PLA2G2F: variants seen among roughly 807,000 people sequenced by gnomAD.
PLA2G2F encodes the protein phospholipase A2 group IIF, also known as group IIF secretory phospholipase A2.
A neutral mutation model predicts 15.9 loss-of-function variants in PLA2G2F; 17 were observed. That is an observed-to-expected ratio of 1.07 (90% CI 0.73 to 1.60). PLA2G2F has a LOEUF of 1.60. Among genes scored for constraint, PLA2G2F ranks in the 40% most tolerant of loss-of-function variants. The pLI, the probability that PLA2G2F is intolerant of heterozygous loss-of-function variation, is 0.00. For synonymous variants in PLA2G2F, 119 were observed against 106.5 expected (o/e 1.12, Z -0.72); for missense variants, 299 against 278.2 (o/e 1.07, Z -0.53).
intron 2 of PLA2G2F, chr1:20,141,809 T>C (rs757449637): frequency 2.6e-5 from 4 of 152,244 alleles, no homozygotes; most frequent in Non-Finnish European, 5.9e-5. Flanking sequence ...TTGGGCATTG[T>C]GATCCGAGAG....
Position 20,148,576 on chromosome 1 carries a change from C to T in PLA2G2F, c.*175C>T, listed in dbSNP as rs1185321593. The T allele has an allele frequency of 1.6e-6, 1 of 609,862 alleles. No homozygotes were observed. The highest frequency in any genetic ancestry group is 2.9e-6 in the Non-Finnish European group (1 of 346,100). The allele number at this position is 609,862 out of a possible 1,614,324, so 37.8% of individuals were successfully genotyped here. Reference sequence around the variant, plus strand: ...ACTCAGGAAGGCCTGGGTCCTGACTCCCCCAGCCCAGCCCCAGGCATGGGT... The same window carrying T: ...ACTCAGGAAGGCCTGGGTCCTGACTTCCCCAGCCCAGCCCCAGGCATGGGT... On this transcript the variant is annotated 3_prime_UTR_variant, in exon 5 of 5. Transcript: ENST00000375102.
intron 2 of PLA2G2F, chr1:20,142,591 G>C (rs542505206): frequency 6.6e-6 from 1 of 152,634 alleles, no homozygotes; most frequent in Admixed American, 6.5e-5. Context: ...GGGGTGGGCC[G>C]GCCTGGCAGG....
chr1:20,148,341 A>G lies in PLA2G2F; in HGVS notation c.576A>G (p.Glu192=). 1.9e-6 allele frequency: 3 copies of G among 1,613,838 alleles called. No individual in the cohort carries two copies. Among genetic ancestry groups the G allele is most frequent in the Non-Finnish European group, 2.5e-6 (3 of 1,179,958 alleles). ...CCACGCCCAACTGCAGCATCTATGA[A>G]CCGCCCCCTGAGGAGGTCACCTGCA... ...QGPTPNCSIY[E]PPPEEVTCSH... The change falls in exon 5 of 5, where the codon GAA becomes GAG. Residue 192 remains glutamate (E), a synonymous_variant. Coordinates refer to ENST00000375102, the MANE Select transcript of PLA2G2F (RefSeq NM_022819.4).
chr1:20,145,585 T>C (rs562513138), intron 4 of PLA2G2F, among the ~76,000 whole-genome samples: 1 of 151,900 alleles, frequency 6.6e-6, no homozygotes, highest in Non-Finnish European at 1.5e-5. Context: ...CAGCCAAACA[T>C]GTACTGTTTA....
chr1:20,147,076 T>C (rs2017628629), intron 4 of PLA2G2F, among the ~76,000 whole-genome samples: 1 of 152,140 alleles, frequency 6.6e-6, no homozygotes, highest in Non-Finnish European at 1.5e-5. Context: ...AGAAACAGGA[T>C]TTTGCTGGTA....
At chr1:20,140,273 C>T (rs909136421) in intron 2 of PLA2G2F, 55 bp downstream of exon 2, 19 of 1,588,044 alleles carry the variant, frequency 1.2e-5, no homozygotes, top group South Asian at 3.4e-5. Flanking sequence ...GCTTGTCTCC[C>T]GTGACCTTGG....
intron 4 of PLA2G2F, among the ~76,000 whole-genome samples, chr1:20,146,815 C>T (rs1293693233): frequency 6.6e-6 from 1 of 152,024 alleles, no homozygotes; most frequent in African/African-American, 2.4e-5. Context: ...ATAGCAGATG[C>T]CCCCCTATTA....
chr1:20,145,798 T>C (rs892244066), intron 4 of PLA2G2F, among the ~76,000 whole-genome samples: 1 of 151,774 alleles, frequency 6.6e-6, no homozygotes, highest in South Asian at 2.1e-4. Context: ...TTTGTGGAGA[T>C]GGGGGTCTCA....
chr1:20,139,596 C>T (rs1237631760), intron 1 of PLA2G2F, 53 bp downstream of exon 1: 8 of 1,308,230 alleles, frequency 6.1e-6, no homozygotes, highest in African/African-American at 4.5e-5. Flanking sequence ...CAGGGACAGG[C>T]GTGAGGGACT....
chr1:20,143,291 G>A (rs1015530774), intron 2 of PLA2G2F, 155 bp from the exon 3 acceptor site: 24 of 930,386 alleles, frequency 2.6e-5, no homozygotes, highest in African/African-American at 6.6e-5. Flanking sequence ...AGCTGCCCAC[G>A]CTTCTTGCCC....
At chr1:20,146,255 C>T (rs1184207694) in intron 4 of PLA2G2F, among the ~76,000 whole-genome samples, 4 of 152,212 alleles carry the variant, frequency 2.6e-5, no homozygotes, top group Admixed American at 2.6e-4. Context: ...CCCTGGGCAG[C>T]TCCTTCCCCA....
rs201526266 is a variant in PLA2G2F, at chr1:20,145,284, A to ATT, written c.424+610_424+611dup. Reference sequence around the variant, plus strand: ...AGGACATACTTCTACTAAAACATGTATTTTTTTTTTTTTTTTGAGACGCAG... The same window carrying ATT: ...AGGACATACTTCTACTAAAACATGTATTTTTTTTTTTTTTTTTTGAGACGCAG... On this transcript the variant is annotated intron_variant, in intron 4 of 4. Transcript: ENST00000375102. 4.1e-3 allele frequency among the ~76,000 whole-genome samples: 582 copies of ATT among 141,024 alleles called. 4 individuals carry two copies. The highest frequency in any genetic ancestry group is 0.014 in the African/African-American group (554 of 38,448). The allele number at this position is 141,024 out of a possible 152,430, so 92.5% of individuals were successfully genotyped here.
At chr1:20,146,677 C>T (rs188096767) in intron 4 of PLA2G2F, among the ~76,000 whole-genome samples, 1 of 152,202 alleles carries the variant, frequency 6.6e-6, no homozygotes, top group Non-Finnish European at 1.5e-5. Context: ...TGCAAAGACA[C>T]TCAAATCTTC....
chr1:20,144,701 C>T lies in PLA2G2F; in HGVS notation c.424+12C>T, dbSNP rs773799092. ...TGAGATAGTCTGCAGTGAGTCCCTC[C>T]CCTGTCACCTGGGCCCCCAGAGAAG... On this transcript the variant is annotated intron_variant, in intron 4 of 4. Coordinates refer to ENST00000375102, the MANE Select transcript of PLA2G2F (RefSeq NM_022819.4). 11 of 1,577,260 alleles carry T rather than the reference C, an allele frequency of 7.0e-6. No individual in the cohort carries two copies. The Admixed American group carries it at 1.1e-4, about 15-fold the overall frequency.
chr1:20,140,289 T>C, intron 2 of PLA2G2F, 71 bp downstream of exon 2: 1 of 1,537,384 alleles, frequency 6.5e-7, no homozygotes, highest in Non-Finnish European at 8.9e-7. Flanking sequence ...CTTGGGCGCC[T>C]GAGTTATGGT....
chr1:20,148,655 T>C lies in PLA2G2F; in HGVS notation c.*254T>C, dbSNP rs1251871341. 17 of 546,848 alleles carry C rather than the reference T, an allele frequency of 3.1e-5. No homozygotes were observed. The highest frequency in any genetic ancestry group is 5.6e-5 in the Non-Finnish European group (17 of 305,726). 33.9% of individuals were successfully genotyped at this position (546,848 alleles called of 1,614,324 possible). ...GGGAGGCACGGAGCTTATAGGGGTC[T>C]CTCCTGAGGGTGGCCGGGGAGACCT... is the stretch of plus-strand genomic sequence containing the variant. On this transcript the variant is annotated 3_prime_UTR_variant, in exon 5 of 5. Coordinates refer to ENST00000375102, the MANE Select transcript of PLA2G2F (RefSeq NM_022819.4).
chr1:20,148,578 C>A lies in PLA2G2F; in HGVS notation c.*177C>A. On this transcript the variant is annotated 3_prime_UTR_variant, in exon 5 of 5. Coordinates refer to ENST00000375102, the MANE Select transcript of PLA2G2F (RefSeq NM_022819.4). Reference sequence around the variant, plus strand: ...TCAGGAAGGCCTGGGTCCTGACTCCCCCAGCCCAGCCCCAGGCATGGGTGC... The same window carrying A: ...TCAGGAAGGCCTGGGTCCTGACTCCACCAGCCCAGCCCCAGGCATGGGTGC... 1 of 606,784 alleles carries A rather than the reference C, an allele frequency of 1.6e-6. No homozygotes were observed. Among genetic ancestry groups the A allele is most frequent in the Non-Finnish European group, 2.9e-6 (1 of 343,380 alleles). The allele number at this position is 606,784 out of a possible 1,614,324, so 37.6% of individuals were successfully genotyped here.
intron 3 of PLA2G2F, 44 bp from the exon 4 acceptor site, chr1:20,144,536 G>A: frequency 2.1e-6 from 3 of 1,429,118 alleles, no homozygotes; most frequent in Non-Finnish European, 2.9e-6. Context: ...TGGGAGATGG[G>A]CCGGCCCAGC....
rs748174526 is a variant in PLA2G2F at position 20,143,625 on chromosome 1, C to A, written c.314+35C>A. ...AGAGGCCTGGGCTCCTGTCAGGGGC[C>A]AAATGAGGACAGCTGAAGGTCAGAC... On this transcript the variant is annotated intron_variant, in intron 3 of 4. Transcript: ENST00000375102. 6 of 1,604,160 alleles carry A rather than the reference C, an allele frequency of 3.7e-6. No homozygotes were observed. In the African/African-American group the frequency reaches 6.7e-5, roughly 18 times the overall value.
Sources: gnomAD v4.1 joint callset for allele counts (sites outside exome capture counted in the v4.1 genomes callset) on GRCh38, gnomAD v4.1.1 for gene constraint, MANE v1.5 for transcripts, NCBI Gene and HGNC (gene_info 2026-07-23, HGNC 2026-07-21) for gene names.